Variants in MACROD2 observed in about 807,000 individuals in gnomAD.
The protein encoded by MACROD2 is mono-ADP ribosylhydrolase 2.
MACROD2 carries 36 observed loss-of-function variants against 70.4 expected under a neutral mutation model. The observed-to-expected ratio is 0.51, with a 90% CI of 0.39 to 0.68. The LOEUF (loss-of-function observed/expected upper bound fraction) is 0.68, where lower values mean the gene tolerates loss of function less well. Ranked by LOEUF, MACROD2 falls within the 30% of genes least tolerant of loss-of-function variation. MACROD2 has a pLI of 0.00. For missense variants in MACROD2, 496 were observed against 538.4 expected, an observed-to-expected ratio of 0.92 and a Z score of 0.78; for synonymous variants, 172 against 178.8, an observed-to-expected ratio of 0.96 and a Z score of 0.30.
intron 3 of MACROD2, among the ~76,000 whole-genome samples, chr20:14,343,104 T>C (rs6135124): frequency 0.17 from 26,147 of 151,836 alleles, 2,658 homozygotes; most frequent in East Asian, 0.31. Context: ...ATCCCTACTT[T>C]CTTCCCTCTT....
At chr20:14,928,197 A>G (rs955897539) in intron 5 of MACROD2, among the ~76,000 whole-genome samples, 1 of 152,042 alleles carries the variant, frequency 6.6e-6, no homozygotes, top group African/African-American at 2.4e-5. Context: ...CCAACACCCC[A>G]TCAGCTCCAG....
At chr20:15,774,293 GT>G (rs1321440413) in intron 8 of MACROD2, among the ~76,000 whole-genome samples, 1 of 152,190 alleles carries the variant, frequency 6.6e-6, no homozygotes, top group Non-Finnish European at 1.5e-5. Flanking sequence ...GTTCAAGAGA[GT>G]TATGTTAATT....
chr20:15,631,012 G>A (rs2049282857), intron 8 of MACROD2, among the ~76,000 whole-genome samples: 1 of 152,090 alleles, frequency 6.6e-6, no homozygotes, highest in Non-Finnish European at 1.5e-5. Context: ...CCACATAAAG[G>A]GAATATTTAT....
At chr20:15,533,086 G>A (rs527296465) in intron 8 of MACROD2, among the ~76,000 whole-genome samples, 1 of 152,258 alleles carries the variant, frequency 6.6e-6, no homozygotes, top group Admixed American at 6.5e-5. Context: ...CTTAATAGGT[G>A]TAATGATGTT....
At chr20:15,324,271 A>G (rs2077903889) in intron 6 of MACROD2, among the ~76,000 whole-genome samples, 1 of 152,098 alleles carries the variant, frequency 6.6e-6, no homozygotes, top group African/African-American at 2.4e-5. Context: ...TGAAACCTAT[A>G]GCCAAAGATT....
intron 8 of MACROD2, among the ~76,000 whole-genome samples, chr20:15,767,197 T>G (rs905643968): frequency 1.4e-4 from 22 of 152,224 alleles, no homozygotes; most frequent in African/African-American, 3.9e-4. Context: ...AGATTTTATG[T>G]TTTCTCTTTC....
intron 4 of MACROD2, among the ~76,000 whole-genome samples, chr20:14,640,653 A>G (rs1239060566): frequency 6.6e-6 from 1 of 152,226 alleles, no homozygotes; most frequent in Non-Finnish European, 1.5e-5. Flanking sequence ...ACTGAAATAA[A>G]GTAAACAGCA....
intron 5 of MACROD2, among the ~76,000 whole-genome samples, chr20:15,017,636 C>G (rs559854672): frequency 2.5e-4 from 38 of 152,346 alleles, no homozygotes; most frequent in Non-Finnish European, 5.0e-4. Context: ...AGGGCACCAC[C>G]CCTGCAGCAA....
intron 3 of MACROD2, among the ~76,000 whole-genome samples, chr20:14,485,512 T>C (rs1376002400): frequency 1.3e-5 from 2 of 152,064 alleles, no homozygotes; most frequent in Middle Eastern, 3.4e-3. Flanking sequence ...TCATCCTGGC[T>C]AACACGGTGA....
At chr20:14,387,065 T>A (rs1485736540) in intron 3 of MACROD2, among the ~76,000 whole-genome samples, 1 of 152,254 alleles carries the variant, frequency 6.6e-6, no homozygotes, top group Non-Finnish European at 1.5e-5. Context: ...ATCATTCTCC[T>A]GAATTTCTTT....
chr20:15,642,597 AACACACACAC>A (rs56698663), intron 8 of MACROD2, among the ~76,000 whole-genome samples: 20,384 of 146,954 alleles, frequency 0.14, 1,524 homozygotes, highest in South Asian at 0.28. Flanking sequence ...ACCTGTCATG[AACACACACAC>A]ACACACACAC....
intron 7 of MACROD2, among the ~76,000 whole-genome samples, chr20:15,461,006 A>ATATATATATATATATATTT: frequency 3.0e-4 from 20 of 67,008 alleles, no homozygotes; most frequent in Non-Finnish European, 3.3e-4. Context: ...ATATATATAT[A>ATATATATATATATATATTT]TTTTTTTTTA....
At chr20:15,959,615 C>T (rs1026562280) in intron 12 of MACROD2, among the ~76,000 whole-genome samples, 7 of 152,172 alleles carry the variant, frequency 4.6e-5, no homozygotes, top group Non-Finnish European at 8.8e-5. Flanking sequence ...CCGCAACCTC[C>T]GCCTCCTGGG....
At position 14,306,404 on chromosome 20, in the gene MACROD2, T is replaced by C. The variant is rs540309189; in HGVS notation, c.272-187075T>C. On this transcript the variant is annotated intron_variant, in intron 3 of 17. Coordinates refer to ENST00000684519, the MANE Select transcript of MACROD2 (RefSeq NM_001351661.2). ...GTGCTGTTAGAGACCCACGTCTAGG[T>C]TGTTGCTGATCAATTTTAGGGGTCT... is the stretch of plus-strand genomic sequence containing the variant. 2.6e-5 allele frequency among the ~76,000 whole-genome samples: 4 copies of C among 152,154 alleles called. No individual in the cohort carries two copies. In the East Asian group the frequency reaches 5.8e-4, roughly 22 times the overall value.
At chr20:15,423,619 A>G (rs1357908617) in intron 6 of MACROD2, among the ~76,000 whole-genome samples, 1 of 151,954 alleles carries the variant, frequency 6.6e-6, no homozygotes, top group Non-Finnish European at 1.5e-5. Context: ...GTGGCCTCAT[A>G]TAGTGGAGAA....
intron 8 of MACROD2, among the ~76,000 whole-genome samples, chr20:15,802,324 GGTTTGTCATATATA>G (rs1281100242): frequency 3.3e-5 from 5 of 152,078 alleles, no homozygotes; most frequent in Non-Finnish European, 5.9e-5. Context: ...GCCAGCTGTG[GGTTTGTCATATATA>G]GCTTTTATTA....
intron 9 of MACROD2, among the ~76,000 whole-genome samples, chr20:15,876,091 T>TTATATATATATATATATA (rs752542911): frequency 5.4e-4 from 18 of 33,110 alleles, no homozygotes; most frequent in African/African-American, 1.3e-3. Flanking sequence ...TACATGTCTT[T>TTATATATATATATATATA]TATATATATA....
chr20:15,277,618 T>G (rs1302653628), intron 6 of MACROD2, among the ~76,000 whole-genome samples: 2 of 152,244 alleles, frequency 1.3e-5, no homozygotes, highest in Non-Finnish European at 2.9e-5. Flanking sequence ...TCTCTGGTGA[T>G]TCTGATGCTG....
At chr20:15,792,438 A>C (rs1328693847) in intron 8 of MACROD2, among the ~76,000 whole-genome samples, 2 of 152,164 alleles carry the variant, frequency 1.3e-5, no homozygotes, top group Non-Finnish European at 2.9e-5. Context: ...TGACAGGTCG[A>C]GACTAATTTT....
Sources: allele counts gnomAD v4.1 joint callset (sites outside exome capture counted in the v4.1 genomes callset), GRCh38; gene constraint gnomAD v4.1.1; transcripts MANE v1.5; gene names NCBI Gene and HGNC (gene_info 2026-07-23, HGNC 2026-07-21).